The following PCCA variants were observed in gnomAD, a reference collection of about 807,000 sequenced individuals.
PCCA encodes the protein propionyl-CoA carboxylase subunit alpha.
A neutral mutation model predicts 101.3 loss-of-function variants in PCCA; 74 were observed. That is an observed-to-expected ratio of 0.73 (90% CI 0.61 to 0.89). PCCA has a LOEUF of 0.89. PCCA is among the 40% of genes least tolerant of loss of function. The pLI is 0.00. For synonymous variants in PCCA, 294 were observed against 313.6 expected (o/e 0.94, Z 0.66); for missense variants, 891 against 907.0 (o/e 0.98, Z 0.23).
At chr13:100,166,487 C>T (rs9518014) in intron 6 of PCCA, among the ~76,000 whole-genome samples, 42,669 of 151,878 alleles carry the variant, frequency 0.28, 7,151 homozygotes, top group East Asian at 0.71. Flanking sequence ...TTAGTAGAGA[C>T]GGGATTTTGT....
chr13:100,222,609 G>A (rs1031196288), intron 7 of PCCA, among the ~76,000 whole-genome samples: 8 of 152,130 alleles, frequency 5.3e-5, no homozygotes, highest in African/African-American at 1.4e-4. Context: ...AAATAGTACC[G>A]AATTTTGGAA....
At chr13:100,529,152 G>GC (rs1333622572) in intron 23 of PCCA, among the ~76,000 whole-genome samples, 2 of 152,116 alleles carry the variant, frequency 1.3e-5, no homozygotes, top group Non-Finnish European at 2.9e-5. Flanking sequence ...GTGGCCCGAA[G>GC]CCCCCGTGCA....
chr13:100,407,051 T>A (rs1408479197), intron 19 of PCCA, among the ~76,000 whole-genome samples: 1 of 152,224 alleles, frequency 6.6e-6, no homozygotes, highest in East Asian at 1.9e-4. Context: ...TAGTTACAGT[T>A]AGAAACACAA....
At chr13:100,440,636 T>G (rs1434212572) in intron 20 of PCCA, among the ~76,000 whole-genome samples, 1 of 152,070 alleles carries the variant, frequency 6.6e-6, no homozygotes, top group Non-Finnish European at 1.5e-5. Context: ...GTCTTATGTT[T>G]TCAGTCCTAA....
chr13:100,293,014 T>G (rs1595156479), intron 12 of PCCA, among the ~76,000 whole-genome samples: 1 of 151,850 alleles, frequency 6.6e-6, no homozygotes, highest in East Asian at 1.9e-4. Flanking sequence ...TTTTTTAGAT[T>G]TAAGTGTTTT....
intron 16 of PCCA, among the ~76,000 whole-genome samples, chr13:100,310,149 A>T (rs1030849733): frequency 6.6e-6 from 1 of 152,192 alleles, no homozygotes; most frequent in South Asian, 2.1e-4. Flanking sequence ...TAACCAGTAC[A>T]CATTGGTTAC....
intron 19 of PCCA, among the ~76,000 whole-genome samples, chr13:100,387,593 T>C (rs1334890236): frequency 1.3e-5 from 2 of 152,226 alleles, no homozygotes; most frequent in Admixed American, 6.5e-5. Flanking sequence ...GGCAAATTCA[T>C]CCAAATCAGC....
chr13:100,400,255 G>T (rs147874566), intron 19 of PCCA, among the ~76,000 whole-genome samples: 1 of 152,258 alleles, frequency 6.6e-6, no homozygotes, highest in East Asian at 1.9e-4. Flanking sequence ...TGTTTGTTTA[G>T]TATGCGGGGT....
intron 7 of PCCA, among the ~76,000 whole-genome samples, chr13:100,216,256 A>T (rs1279484627): frequency 1.3e-5 from 2 of 152,242 alleles, no homozygotes; most frequent in African/African-American, 4.8e-5. Context: ...GGCAGAAAGA[A>T]TAACAAGCGC....
intron 16 of PCCA, among the ~76,000 whole-genome samples, chr13:100,323,395 C>T (rs1375549214): frequency 2.6e-5 from 4 of 151,656 alleles, no homozygotes; most frequent in African/African-American, 9.7e-5. Flanking sequence ...GGTCTCGGCT[C>T]ACTACAACCT....
At chr13:100,182,636 C>T (rs2056905702) in intron 6 of PCCA, among the ~76,000 whole-genome samples, 1 of 152,120 alleles carries the variant, frequency 6.6e-6, no homozygotes, top group African/African-American at 2.4e-5. Context: ...AGTTTATGCT[C>T]CATTCTTTGA....
chr13:100,363,817 T>G (rs981998090), intron 18 of PCCA, among the ~76,000 whole-genome samples: 4 of 152,192 alleles, frequency 2.6e-5, no homozygotes, highest in African/African-American at 9.7e-5. Context: ...GTTTTTATGT[T>G]TATACAGTCT....
At chr13:100,229,213 A>G (rs1314195728) in intron 7 of PCCA, among the ~76,000 whole-genome samples, 2 of 152,218 alleles carry the variant, frequency 1.3e-5, no homozygotes, top group Non-Finnish European at 2.9e-5. Context: ...TGCTGGACTG[A>G]GAATCCCAAA....
At chr13:100,523,401 A>C (rs1231781374) in intron 22 of PCCA, among the ~76,000 whole-genome samples, 1 of 152,180 alleles carries the variant, frequency 6.6e-6, no homozygotes, top group Non-Finnish European at 1.5e-5. Context: ...AAACTGGAAA[A>C]TTGGCAGCCT....
intron 18 of PCCA, among the ~76,000 whole-genome samples, chr13:100,357,641 A>T (rs2074085958): frequency 6.6e-6 from 1 of 152,250 alleles, no homozygotes; most frequent in Non-Finnish European, 1.5e-5. Context: ...TATAAAGCAC[A>T]ACTATTTGAA....
intron 6 of PCCA, among the ~76,000 whole-genome samples, chr13:100,191,424 C>T (rs751777071): frequency 8.5e-5 from 13 of 152,226 alleles, no homozygotes; most frequent in Non-Finnish European, 1.2e-4. Context: ...ACACTTGTGT[C>T]GCAGCTTACT....
chr13:100,169,821 T>G, intron 6 of PCCA, among the ~76,000 whole-genome samples: 1 of 151,916 alleles, frequency 6.6e-6, no homozygotes, highest in East Asian at 1.9e-4. Flanking sequence ...TGCCTCAGCC[T>G]CCTGAGTAGC....
chr13:100,139,451 A>C (rs968740795), intron 4 of PCCA, among the ~76,000 whole-genome samples: 8 of 150,984 alleles, frequency 5.3e-5, no homozygotes. Flanking sequence ...AGATTGTATA[A>C]TTTCTGTTGA....
intron 21 of PCCA, among the ~76,000 whole-genome samples, chr13:100,501,836 T>C (rs1240600034): frequency 1.3e-5 from 2 of 151,738 alleles, no homozygotes; most frequent in Non-Finnish European, 2.9e-5. Flanking sequence ...ATCGTGCCGC[T>C]GCACTCCAGC....
Sources: gnomAD v4.1 joint callset for allele counts (sites outside exome capture counted in the v4.1 genomes callset) on GRCh38, gnomAD v4.1.1 for gene constraint, MANE v1.5 for transcripts, NCBI Gene and HGNC (gene_info 2026-07-23, HGNC 2026-07-21) for gene names.